Variants in DLGAP2 observed in about 807,000 individuals in gnomAD.
DLGAP2 encodes DLG associated protein 2.
A neutral mutation model predicts 100.3 loss-of-function variants in DLGAP2; 26 were observed. That is an observed-to-expected ratio of 0.26 (90% CI 0.19 to 0.36). The LOEUF (loss-of-function observed/expected upper bound fraction) is 0.36, where lower values mean the gene tolerates loss of function less well. Ranked by LOEUF, DLGAP2 falls within the 10% of genes least tolerant of loss-of-function variation. The pLI, the probability that DLGAP2 is intolerant of heterozygous loss-of-function variation, is 1.00. For missense variants in DLGAP2, 1,858 were observed against 1,453.2 expected (o/e 1.28, Z -4.53); for synonymous variants, 886 against 630.1 (o/e 1.41, Z -6.08).
At chr8:954,056 A>C (rs1799542040) in intron 2 of DLGAP2, among the ~76,000 whole-genome samples, 1 of 152,198 alleles carries the variant, frequency 6.6e-6, no homozygotes, top group South Asian at 2.1e-4. Flanking sequence ...ACTGTTAGGC[A>C]ACCCTCATCA....
intron 3 of DLGAP2, among the ~76,000 whole-genome samples, chr8:1,387,383 T>C (rs1365441971): frequency 6.6e-6 from 1 of 152,058 alleles, no homozygotes; most frequent in Non-Finnish European, 1.5e-5. Flanking sequence ...AAACCCTGAA[T>C]TGGGCAGTGG....
intron 3 of DLGAP2, chr8:1,297,041 G>C (rs750864965): frequency 1.3e-5 from 2 of 152,480 alleles, no homozygotes; most frequent in Non-Finnish European, 2.9e-5. Flanking sequence ...ACCTCAGATT[G>C]TGCCTGGCAC....
chr8:836,409 C>T (rs1023154225), intron 1 of DLGAP2, among the ~76,000 whole-genome samples: 7 of 152,184 alleles, frequency 4.6e-5, no homozygotes, highest in Non-Finnish European at 7.3e-5. Context: ...GGAAGAGGCA[C>T]TGGATGGGGC....
At chr8:1,027,563 A>C (rs1801841078) in intron 2 of DLGAP2, among the ~76,000 whole-genome samples, 1 of 139,536 alleles carries the variant, frequency 7.2e-6, no homozygotes, top group African/African-American at 2.7e-5. Flanking sequence ...GTGGGGTGCC[A>C]AGCGCCCGTT....
intron 2 of DLGAP2, among the ~76,000 whole-genome samples, chr8:1,228,268 AAGG>A (rs1463020421): frequency 1.3e-5 from 2 of 152,226 alleles, no homozygotes; most frequent in South Asian, 2.1e-4. Context: ...ACTTTAAAAA[AAGG>A]AAATCTGAAA....
At chr8:1,276,252 A>G (rs1799693956) in intron 3 of DLGAP2, among the ~76,000 whole-genome samples, 1 of 151,692 alleles carries the variant, frequency 6.6e-6, no homozygotes, top group African/African-American at 2.4e-5. Context: ...TTCTTTCATA[A>G]CAACCTAAAA....
At chr8:1,067,876 G>A (rs113986519) in intron 2 of DLGAP2, among the ~76,000 whole-genome samples, 22 of 152,104 alleles carry the variant, frequency 1.4e-4, no homozygotes, top group African/African-American at 5.3e-4. Flanking sequence ...TTGGGCAGGT[G>A]TTTGATGACG....
intron 1 of DLGAP2, among the ~76,000 whole-genome samples, chr8:860,867 C>T (rs1297463681): frequency 6.6e-6 from 1 of 152,054 alleles, no homozygotes; most frequent in Non-Finnish European, 1.5e-5. Context: ...ATCATGACGC[C>T]TATGAAGAAA....
intron 2 of DLGAP2, among the ~76,000 whole-genome samples, chr8:923,342 T>C (rs1409625297): frequency 2.0e-5 from 3 of 152,240 alleles, no homozygotes; most frequent in Non-Finnish European, 2.9e-5. Context: ...ACAGTGTCTT[T>C]CCCTAGGAAT....
intron 4 of DLGAP2, among the ~76,000 whole-genome samples, chr8:1,512,723 C>G (rs182782034): frequency 6.6e-6 from 1 of 152,218 alleles, no homozygotes; most frequent in African/African-American, 2.4e-5. Flanking sequence ...CTCGCTGTGT[C>G]CATGGAGTAG....
At chr8:1,367,616 T>C (rs1355131575) in intron 3 of DLGAP2, among the ~76,000 whole-genome samples, 7 of 152,192 alleles carry the variant, frequency 4.6e-5, no homozygotes, top group Non-Finnish European at 1.0e-4. Flanking sequence ...ATAGCTCACA[T>C]GTTGCTAAGA....
chr8:1,325,193 C>T (rs1273731567), intron 3 of DLGAP2, among the ~76,000 whole-genome samples: 1 of 152,208 alleles, frequency 6.6e-6, no homozygotes, highest in African/African-American at 2.4e-5. Context: ...ATGGTCTTCT[C>T]AGCGAGGCTG....
chr8:1,222,680 A>G (rs73527719), intron 2 of DLGAP2, among the ~76,000 whole-genome samples: 8,253 of 151,858 alleles, frequency 0.054, 477 homozygotes, highest in African/African-American at 0.14. Context: ...GGCAGGGGAA[A>G]GCTGTGGGTG....
chr8:1,265,250 A>G (rs1481490415), intron 3 of DLGAP2, among the ~76,000 whole-genome samples: 2 of 152,214 alleles, frequency 1.3e-5, no homozygotes, highest in Non-Finnish European at 2.9e-5. Flanking sequence ...AGAAGTATCT[A>G]TTATGAGGAA....
At chr8:1,165,361 G>C (rs532099504) in intron 2 of DLGAP2, among the ~76,000 whole-genome samples, 6 of 152,336 alleles carry the variant, frequency 3.9e-5, no homozygotes, top group Admixed American at 3.3e-4. Flanking sequence ...ACCATCGGCC[G>C]TTGGCTACCA....
At chr8:762,539 C>G (rs543856026) in intron 1 of DLGAP2, among the ~76,000 whole-genome samples, 2 of 152,306 alleles carry the variant, frequency 1.3e-5, no homozygotes, top group East Asian at 3.9e-4. Flanking sequence ...CGCCACTTTG[C>G]TGACTCCCAG....
chr8:1,179,836 T>C (rs959504987), intron 2 of DLGAP2, among the ~76,000 whole-genome samples: 2 of 152,344 alleles, frequency 1.3e-5, no homozygotes, highest in Admixed American at 6.5e-5. Flanking sequence ...CAGTGATTGC[T>C]AAGAATAGAC....
intron 4 of DLGAP2, among the ~76,000 whole-genome samples, chr8:1,547,794 T>A (rs1801593887): frequency 6.6e-6 from 1 of 152,142 alleles, no homozygotes; most frequent in East Asian, 1.9e-4. Flanking sequence ...GGGATTCCTC[T>A]GGGGAAGGAG....
intron 3 of DLGAP2, among the ~76,000 whole-genome samples, chr8:1,482,119 C>T (rs1799116453): frequency 6.6e-6 from 1 of 152,196 alleles, no homozygotes; most frequent in African/African-American, 2.4e-5. Flanking sequence ...TCTGTCACCC[C>T]GTGTCATGCT....
Sources: gnomAD v4.1 joint callset for allele counts (sites outside exome capture counted in the v4.1 genomes callset) on GRCh38, gnomAD v4.1.1 for gene constraint, MANE v1.5 for transcripts, NCBI Gene and HGNC (gene_info 2026-07-23, HGNC 2026-07-21) for gene names.